KCNJ6: variants seen among roughly 807,000 people sequenced by gnomAD.
KCNJ6 encodes G protein-activated inward rectifier potassium channel 2.
KCNJ6 carries 9 observed loss-of-function variants against 34.2 expected under a neutral mutation model. The ratio of observed to expected loss-of-function variants is 0.26; its 90% CI spans 0.16 to 0.46. The LOEUF (loss-of-function observed/expected upper bound fraction) is 0.46, where lower values mean the gene tolerates loss of function less well. Among genes scored for constraint, KCNJ6 ranks in the 20% least tolerant of loss-of-function variants. KCNJ6 has a pLI of 1.00. For missense variants in KCNJ6, 236 were observed against 531.3 expected, an observed-to-expected ratio of 0.44 and a Z score of 5.46; for synonymous variants, 196 against 207.1, an observed-to-expected ratio of 0.95 and a Z score of 0.46.
intron 2 of KCNJ6, among the ~76,000 whole-genome samples, chr21:37,835,825 C>T (rs559121643): frequency 6.6e-6 from 1 of 152,140 alleles, no homozygotes; most frequent in African/African-American, 2.4e-5. Flanking sequence ...TAACCCTAAC[C>T]CTAACCCTAA....
At chr21:37,738,792 T>A (rs1240993547) in intron 2 of KCNJ6, among the ~76,000 whole-genome samples, 1 of 152,360 alleles carries the variant, frequency 6.6e-6, no homozygotes, top group East Asian at 1.9e-4. Context: ...TGGATAATGC[T>A]GTTGAAAACA....
chr21:37,862,754 AT>A (rs1408535962), intron 1 of KCNJ6, among the ~76,000 whole-genome samples: 1 of 152,208 alleles, frequency 6.6e-6, no homozygotes, highest in Non-Finnish European at 1.5e-5. Context: ...AAAGAGTACA[AT>A]GCCTTAGAAT....
At chr21:37,751,860 C>CTAGTA (rs1160923998) in intron 2 of KCNJ6, among the ~76,000 whole-genome samples, 3 of 152,118 alleles carry the variant, frequency 2.0e-5, no homozygotes, top group Non-Finnish European at 4.4e-5. Flanking sequence ...TCCTCAGGCC[C>CTAGTA]TAGTACGATG....
rs2054291809 is a variant in KCNJ6 at position 37,622,151 on chromosome 21, C to G, written c.*3008G>C. On this transcript the variant is annotated 3_prime_UTR_variant, in exon 4 of 4. Coordinates refer to ENST00000609713, the MANE Select transcript of KCNJ6 (RefSeq NM_002240.5). ...ATTCTTATCTGGCTCACGGATCCCA[C>G]CATGCTTTATGGAAAAATGACTCAA... The G allele has an allele frequency of 6.6e-6, 1 of 152,152 alleles. No homozygotes were observed. 9.4% of individuals were successfully genotyped at this position (152,152 alleles called of 1,614,324 possible).
intron 2 of KCNJ6, among the ~76,000 whole-genome samples, chr21:37,806,791 A>C (rs2055295638): frequency 6.6e-6 from 1 of 152,252 alleles, no homozygotes; most frequent in Non-Finnish European, 1.5e-5. Context: ...TGAGAGTAAT[A>C]AATTGCTGAG....
intron 3 of KCNJ6, among the ~76,000 whole-genome samples, chr21:37,696,073 G>C (rs1296799698): frequency 6.6e-6 from 1 of 152,184 alleles, no homozygotes; most frequent in Non-Finnish European, 1.5e-5. Context: ...AACTAAGGGA[G>C]GGGAAAAGCT....
intron 2 of KCNJ6, among the ~76,000 whole-genome samples, chr21:37,725,044 TA>T (rs1340895632): frequency 6.6e-6 from 1 of 152,070 alleles, no homozygotes; most frequent in African/African-American, 2.4e-5. Context: ...AAATGTCTAT[TA>T]AAAAAACAGG....
rs1305188486 is a variant in KCNJ6 at position 37,696,167 on chromosome 21, G to T, written c.946+18044C>A. On this transcript the variant is annotated intron_variant, in intron 3 of 3. Coordinates refer to ENST00000609713, the MANE Select transcript of KCNJ6 (RefSeq NM_002240.5). ...ACCATCGTAGAAATAACCGATTCAG[G>T]TTAGAATTATCGATGAATGCTAAAA... Among the ~76,000 whole-genome samples the T allele has an allele frequency of 2.0e-5, 3 of 152,312 alleles. No individual in the cohort carries two copies. In the East Asian group the frequency reaches 5.8e-4, roughly 29 times the overall value.
chr21:37,740,219 G>T (rs1187059380), intron 2 of KCNJ6, among the ~76,000 whole-genome samples: 5 of 152,212 alleles, frequency 3.3e-5, no homozygotes, highest in Admixed American at 6.5e-5. Flanking sequence ...TTTAACCTGA[G>T]AGACTGGTTC....
In KCNJ6 at chr21:37,675,625, C is replaced by A. The variant is rs1045772380; in HGVS notation, c.946+38586G>T. Among the ~76,000 whole-genome samples, 3 of 152,338 alleles carry A rather than the reference C, an allele frequency of 2.0e-5. No homozygotes were observed. Among genetic ancestry groups the A allele is most frequent in the Non-Finnish European group, 2.9e-5 (2 of 68,030 alleles). ...GGAATTCTCCGGCCCCAGGAGAGGC[C>A]GTGTGGCCATAAAAGGGCTGACCTC... On this transcript the variant is annotated intron_variant, in intron 3 of 3. Coordinates refer to ENST00000609713, the MANE Select transcript of KCNJ6 (RefSeq NM_002240.5). This position sits in a 1 kb window ranked among gnomAD's most constrained non-coding sequence, Gnocchi z 4.2.
At chr21:37,682,379 G>A in intron 3 of KCNJ6, among the ~76,000 whole-genome samples, 1 of 152,188 alleles carries the variant, frequency 6.6e-6, no homozygotes, top group Non-Finnish European at 1.5e-5. Flanking sequence ...AAAGAGCTCA[G>A]TCTAAAAATT....
intron 2 of KCNJ6, among the ~76,000 whole-genome samples, chr21:37,808,037 TTCTAG>T (rs1446119031): frequency 6.6e-6 from 1 of 152,216 alleles, no homozygotes; most frequent in Non-Finnish European, 1.5e-5. Context: ...TGACCCTCTC[TTCTAG>T]AAAAATATTT....
intron 2 of KCNJ6, among the ~76,000 whole-genome samples, chr21:37,799,437 A>G (rs111971168): frequency 4.6e-5 from 7 of 152,164 alleles, no homozygotes; most frequent in Non-Finnish European, 8.8e-5. Flanking sequence ...AGCATGACCC[A>G]GGAAGAGGCA....
intron 2 of KCNJ6, among the ~76,000 whole-genome samples, chr21:37,836,552 T>C (rs1601494322): frequency 1.3e-5 from 2 of 152,284 alleles, no homozygotes; most frequent in South Asian, 4.1e-4. Flanking sequence ...TGGAATACCA[T>C]GCAGCCATAA....
chr21:37,634,689 A>T (rs1216569711), intron 3 of KCNJ6, among the ~76,000 whole-genome samples: 3 of 151,976 alleles, frequency 2.0e-5, no homozygotes. Context: ...ATAAAATTTA[A>T]AAATATACCA....
intron 2 of KCNJ6, among the ~76,000 whole-genome samples, chr21:37,736,913 C>T (rs889433820): frequency 1.4e-4 from 22 of 152,226 alleles, no homozygotes; most frequent in African/African-American, 5.3e-4. Context: ...TACTTTTATG[C>T]AACTTAGACA....
intron 2 of KCNJ6, among the ~76,000 whole-genome samples, chr21:37,766,121 C>T (rs972569544): frequency 2.0e-5 from 3 of 152,214 alleles, no homozygotes; most frequent in Admixed American, 6.5e-5. Flanking sequence ...CTGCATCCCA[C>T]ACAACATGTT....
At chr21:37,875,507 G>T (rs907535079) in intron 1 of KCNJ6, among the ~76,000 whole-genome samples, 2 of 152,184 alleles carry the variant, frequency 1.3e-5, no homozygotes, top group Admixed American at 6.5e-5. Flanking sequence ...GTCACAGGAG[G>T]CTCCTGGCTT....
rs534137171 is a variant in KCNJ6, at chr21:37,607,509, G to A, written c.*17650C>T. On this transcript the variant is annotated 3_prime_UTR_variant, in exon 4 of 4. Coordinates refer to ENST00000609713, the MANE Select transcript of KCNJ6 (RefSeq NM_002240.5). ...TTTTTTTTTATTTTAAAAAAATTTG[G>A]CATTGTAGTGATTTCTCAATACATA... 49 of 113,604 alleles carry A rather than the reference G, an allele frequency of 4.3e-4. No homozygotes were observed. The highest frequency in any genetic ancestry group is 1.5e-3 in the African/African-American group (46 of 30,136). The allele number at this position is 113,604 out of a possible 1,614,324, so 7.0% of individuals were successfully genotyped here.
Sources: gnomAD v4.1 joint callset for allele counts (sites outside exome capture counted in the v4.1 genomes callset) on GRCh38, gnomAD v4.1.1 for gene constraint, Gnocchi (gnomAD v3.1) non-coding constraint, MANE v1.5 for transcripts, NCBI Gene and HGNC (gene_info 2026-07-23, HGNC 2026-07-21) for gene names.